The following CD99L2 variants were observed in gnomAD, a reference collection of about 807,000 sequenced individuals.
The protein encoded by CD99L2 is CD99 antigen-like protein 2.
Under a neutral mutation model 27.3 loss-of-function variants are expected in CD99L2, and 24 were observed. The observed-to-expected ratio is 0.88, with a 90% CI of 0.64 to 1.24. The LOEUF (loss-of-function observed/expected upper bound fraction) is 1.24, where lower values mean the gene tolerates loss of function less well. CD99L2 is among the 50% of genes most tolerant of loss of function. The pLI is 0.00. For missense variants in CD99L2, 255 were observed against 221.6 expected (o/e 1.15, Z -0.96); for synonymous variants, 97 against 87.9 (o/e 1.10, Z -0.58).
At position 150,814,859 on chromosome X, in the gene CD99L2, T is replaced by C; in HGVS notation, c.277+3A>G. 8.3e-7 allele frequency: 1 copy of C among 1,204,055 alleles called. No homozygotes were observed. ...GTAGTAGTTTCAACCAGCAAAGACT[T>C]ACCTCTTCCTCCTATACCCGGTTTC... On this transcript the variant is annotated splice_donor_region_variant and intron_variant, in intron 4 of 10. Coordinates refer to ENST00000370377, the MANE Select transcript of CD99L2 (RefSeq NM_031462.4).
chrX:150,794,093 G>C (rs1557419815), intron 6 of CD99L2, among the ~76,000 whole-genome samples: 2 of 111,675 alleles, frequency 1.8e-5, no homozygotes, highest in Non-Finnish European at 3.8e-5. Flanking sequence ...GATTATCCTA[G>C]ATGGGCATGA....
In CD99L2 at chrX:150,777,439, C is replaced by T; in HGVS notation, c.535+5G>A. The stretch of plus-strand genomic sequence containing the variant: ...CAACAGGAGCCTCAGGATTCAGAAA[C>T]CCACCAGATCCAGGGTCGTCATTGC... On this transcript the variant is annotated splice_donor_5th_base_variant and intron_variant, in intron 8 of 10. Coordinates refer to ENST00000370377, the MANE Select transcript of CD99L2 (RefSeq NM_031462.4). 1 of 1,211,709 alleles carries T rather than the reference C, an allele frequency of 8.3e-7. No homozygotes were observed. Among genetic ancestry groups the T allele is most frequent in the Non-Finnish European group, 1.1e-6 (1 of 895,370 alleles).
intron 1 of CD99L2, among the ~76,000 whole-genome samples, chrX:150,892,450 C>T (rs2047529978): frequency 9.5e-6 from 1 of 105,652 alleles, no homozygotes; most frequent in South Asian, 4.4e-4. Context: ...ACTACAAATA[C>T]AAAAAATTAG....
At chrX:150,816,240 C>A in intron 2 of CD99L2, 162 bp from the exon 3 acceptor site, 1 of 484,002 alleles carries the variant, frequency 2.1e-6, no homozygotes, top group Non-Finnish European at 3.6e-6. Flanking sequence ...AAAAGGATGA[C>A]AAAATGATAT....
chrX:150,890,328 A>C (rs2047490173), intron 1 of CD99L2, among the ~76,000 whole-genome samples: 1 of 107,336 alleles, frequency 9.3e-6, no homozygotes, highest in South Asian at 4.1e-4. Flanking sequence ...AAAATACAAA[A>C]ATTAGCTGGG....
chrX:150,856,691 C>T (rs1164843442), intron 1 of CD99L2, among the ~76,000 whole-genome samples: 3 of 109,599 alleles, frequency 2.7e-5, no homozygotes, highest in Non-Finnish European at 3.8e-5. Context: ...TGTAAAGACA[C>T]AGAAAACATG....
intron 1 of CD99L2, among the ~76,000 whole-genome samples, chrX:150,870,516 G>A (rs1821723018): frequency 8.9e-6 from 1 of 112,055 alleles, no homozygotes; most frequent in Non-Finnish European, 1.9e-5. Context: ...TAGCCAGTGA[G>A]GCAGAGGTTG....
intron 7 of CD99L2, among the ~76,000 whole-genome samples, chrX:150,779,302 A>G (rs1279653458): frequency 8.9e-6 from 1 of 112,355 alleles, no homozygotes; most frequent in Non-Finnish European, 1.9e-5. Context: ...AGCAATTCCT[A>G]TCTGACCATT....
chrX:150,820,835 T>C (rs2046233451), intron 2 of CD99L2, among the ~76,000 whole-genome samples: 1 of 111,588 alleles, frequency 9.0e-6, no homozygotes, highest in African/African-American at 3.2e-5. Flanking sequence ...TTGCAAGATA[T>C]AAGATCAACA....
intron 1 of CD99L2, among the ~76,000 whole-genome samples, chrX:150,851,460 T>C (rs1188941599): frequency 3.6e-5 from 4 of 112,037 alleles, no homozygotes; most frequent in African/African-American, 1.3e-4. Context: ...CACGGGGTCA[T>C]GCAGCTGGAC....
intron 4 of CD99L2, among the ~76,000 whole-genome samples, chrX:150,802,758 T>C (rs1191101034): frequency 9.6e-5 from 10 of 104,181 alleles, no homozygotes; most frequent in African/African-American, 3.5e-4. Flanking sequence ...ATTTTTTGTA[T>C]TTTTAGTAGA....
rs191594678 is a variant in CD99L2 at position 150,890,726 on chromosome X, C to T, written c.67+7796G>A. Among the ~76,000 whole-genome samples the T allele has an allele frequency of 2.3e-4, 26 of 111,203 alleles. No homozygotes were observed. In the East Asian group the frequency reaches 7.1e-3, roughly 30 times the overall value. ...GCAGCACACTCCTCCTCGTCCTCAG[C>T]GAAGGGGCAAGTGCGGCCTGCACAA... is the stretch of plus-strand genomic sequence containing the variant. On this transcript the variant is annotated intron_variant, in intron 1 of 10. Transcript: ENST00000370377.
At chrX:150,874,382 G>C (rs930124498) in intron 1 of CD99L2, among the ~76,000 whole-genome samples, 1 of 111,816 alleles carries the variant, frequency 8.9e-6, no homozygotes, top group Non-Finnish European at 1.9e-5. Flanking sequence ...TGAGGAAGAA[G>C]GAATTGGGAG....
chrX:150,838,470 T>A (rs1039594964), intron 1 of CD99L2, among the ~76,000 whole-genome samples: 140 of 111,632 alleles, frequency 1.3e-3, no homozygotes, highest in Non-Finnish European at 1.4e-3. Flanking sequence ...GGGAACTCTG[T>A]CCTAGCTTTG....
At chrX:150,824,524 A>G (rs1209703986) in intron 2 of CD99L2, among the ~76,000 whole-genome samples, 2 of 96,636 alleles carry the variant, frequency 2.1e-5, no homozygotes, top group Non-Finnish European at 4.1e-5. Context: ...AAGGAAGAAG[A>G]AAGAAGAAGA....
At chrX:150,862,723 C>T (rs1435766010) in intron 1 of CD99L2, among the ~76,000 whole-genome samples, 1 of 111,243 alleles carries the variant, frequency 9.0e-6, no homozygotes, top group East Asian at 2.8e-4. Flanking sequence ...AGCCACCATC[C>T]TGGGCCTGGG....
At chrX:150,799,811 A>G (rs1486315148) in intron 4 of CD99L2, among the ~76,000 whole-genome samples, 1 of 111,615 alleles carries the variant, frequency 9.0e-6, no homozygotes, top group East Asian at 2.8e-4. Context: ...GCTGTGGAAA[A>G]CAGTTTGGTA....
intron 2 of CD99L2, among the ~76,000 whole-genome samples, chrX:150,819,897 T>C (rs1268437466): frequency 2.7e-5 from 3 of 111,678 alleles, no homozygotes; most frequent in Non-Finnish European, 3.8e-5. Flanking sequence ...GAAGTCTTAA[T>C]TGCTGAATTC....
chrX:150,894,775 A>T (rs1247996016), intron 1 of CD99L2, among the ~76,000 whole-genome samples: 2 of 109,929 alleles, frequency 1.8e-5, no homozygotes, highest in Non-Finnish European at 3.8e-5. Flanking sequence ...TTTTGTAGAG[A>T]TGGGGCTCTT....
Sources: allele counts gnomAD v4.1 joint callset (sites outside exome capture counted in the v4.1 genomes callset), GRCh38; gene constraint gnomAD v4.1.1; transcripts MANE v1.5; gene names NCBI Gene and HGNC (gene_info 2026-07-23, HGNC 2026-07-21).